The following ZSCAN5A variants were observed in gnomAD, a reference collection of about 807,000 sequenced individuals.
The protein encoded by ZSCAN5A is zinc finger and SCAN domain-containing protein 5A.
ZSCAN5A carries 12 observed loss-of-function variants against 23.7 expected under a neutral mutation model. That is an observed-to-expected ratio of 0.51 (90% CI 0.32 to 0.82). The LOEUF (loss-of-function observed/expected upper bound fraction) is 0.82. ZSCAN5A is among the 40% of genes least tolerant of loss of function. The pLI is 0.03. For synonymous variants in ZSCAN5A, 257 were observed against 239.9 expected, an observed-to-expected ratio of 1.07 and a Z score of -0.66; for missense variants, 597 against 617.9, an observed-to-expected ratio of 0.97 and a Z score of 0.36.
At chr19:56,354,722 C>G (rs1287004501) in intron 2 of ZSCAN5A, 1 of 152,402 alleles carries the variant, frequency 6.6e-6, no homozygotes, top group Non-Finnish European at 1.5e-5. Context: ...CTCTACACCT[C>G]CCACCTTCCC....
chr19:56,325,730 C>CTAA (rs2041426120), intron 2 of ZSCAN5A, among the ~76,000 whole-genome samples: 3 of 151,536 alleles, frequency 2.0e-5, no homozygotes, highest in Admixed American at 2.0e-4. Context: ...TACTGGTTAT[C>CTAA]TGTTGTTGTT....
chr19:56,276,760 C>T (rs11673002), intron 2 of ZSCAN5A, among the ~76,000 whole-genome samples: 63,723 of 151,636 alleles, frequency 0.42, 14,540 homozygotes, highest in Non-Finnish European at 0.51. Flanking sequence ...TGGTCTCGAA[C>T]TCCTGACCTC....
At chr19:56,333,763 A>G (rs1354400170) in intron 2 of ZSCAN5A, among the ~76,000 whole-genome samples, 1 of 152,168 alleles carries the variant, frequency 6.6e-6, no homozygotes, top group Non-Finnish European at 1.5e-5. Context: ...ACATGAGAAG[A>G]GTCCATAGGG....
At chr19:56,261,532 G>A (rs978137442) in intron 2 of ZSCAN5A, among the ~76,000 whole-genome samples, 1 of 152,180 alleles carries the variant, frequency 6.6e-6, no homozygotes, top group Non-Finnish European at 1.5e-5. Context: ...CCCCAGAAGA[G>A]GCTGGATAAA....
At chr19:56,255,715 G>A (rs1484998568) in intron 2 of ZSCAN5A, among the ~76,000 whole-genome samples, 1 of 151,888 alleles carries the variant, frequency 6.6e-6, no homozygotes, top group Non-Finnish European at 1.5e-5. Context: ...TGAAAAACAT[G>A]GTGTCGTCTA....
chr19:56,332,851 A>G (rs1000414440), intron 2 of ZSCAN5A, among the ~76,000 whole-genome samples: 3 of 152,226 alleles, frequency 2.0e-5, no homozygotes, highest in Non-Finnish European at 4.4e-5. Context: ...AGGCTGGTCT[A>G]GTGGTAACAA....
chr19:56,261,883 T>A (rs1447855801), intron 2 of ZSCAN5A, among the ~76,000 whole-genome samples: 1 of 152,188 alleles, frequency 6.6e-6, no homozygotes, highest in Non-Finnish European at 1.5e-5. Flanking sequence ...TTCTTAAGGT[T>A]ACAGTTTAAT....
upstream of ZSCAN5A, chr19:56,315,431 C>T (rs2041288825): frequency 6.6e-6 from 1 of 152,276 alleles, no homozygotes; most frequent in South Asian, 2.1e-4. Flanking sequence ...ATGCTGGCTC[C>T]AAAGTGGTGC....
upstream of ZSCAN5A, chr19:56,316,693 A>G (rs116050206): frequency 0.014 from 2,112 of 152,260 alleles, 47 homozygotes; most frequent in African/African-American, 0.049. Flanking sequence ...ATTTTCTTTC[A>G]TTGCCATTTT....
intron 2 of ZSCAN5A, among the ~76,000 whole-genome samples, chr19:56,265,558 GT>G (rs1253723817): frequency 6.6e-6 from 1 of 151,728 alleles, no homozygotes; most frequent in Non-Finnish European, 1.5e-5. Flanking sequence ...AATCAAGCAG[GT>G]TTTTTGGGTT....
intron 2 of ZSCAN5A, among the ~76,000 whole-genome samples, chr19:56,289,074 G>A (rs1014421676): frequency 6.6e-6 from 1 of 152,156 alleles, no homozygotes; most frequent in African/African-American, 2.4e-5. Flanking sequence ...TGCTGTGCTG[G>A]TAAATGTCTA....
chr19:56,308,237 T>C (rs2040824309), intron 2 of ZSCAN5A, among the ~76,000 whole-genome samples: 1 of 152,220 alleles, frequency 6.6e-6, no homozygotes, highest in African/African-American at 2.4e-5. Context: ...TTTCACCATG[T>C]TGGCCAGGAT....
At chr19:56,228,440 C>T (rs1166514306) in intron 2 of ZSCAN5A, 2 of 985,316 alleles carry the variant, frequency 2.0e-6, no homozygotes, top group Non-Finnish European at 2.4e-6. Context: ...ATGGTTCCCA[C>T]TGAAACCCCA....
chr19:56,304,730 G>A, intron 2 of ZSCAN5A: 1 of 954,746 alleles, frequency 1.0e-6, no homozygotes, highest in Non-Finnish European at 1.2e-6. Flanking sequence ...GGTAAGGAAG[G>A]AATTCACTCG....
intron 2 of ZSCAN5A, among the ~76,000 whole-genome samples, chr19:56,243,492 T>C (rs2035595097): frequency 6.6e-6 from 1 of 152,196 alleles, no homozygotes; most frequent in Admixed American, 6.5e-5. Flanking sequence ...AGAAAAGGTG[T>C]TGGGGGACAA....
chr19:56,281,705 C>T, intron 2 of ZSCAN5A: 1 of 985,352 alleles, frequency 1.0e-6, no homozygotes, highest in East Asian at 1.1e-4. Context: ...AACTGTAAGT[C>T]ATATCTCCTT....
intron 2 of ZSCAN5A, among the ~76,000 whole-genome samples, chr19:56,329,006 A>AAAAAAT (rs1555811870): frequency 1.4e-5 from 2 of 144,600 alleles, no homozygotes; most frequent in African/African-American, 5.4e-5. Context: ...AAAAAAAAAA[A>AAAAAAT]AAATAAATAA....
chr19:56,326,887 T>C (rs2041439332), intron 2 of ZSCAN5A, among the ~76,000 whole-genome samples: 1 of 152,106 alleles, frequency 6.6e-6, no homozygotes, highest in Admixed American at 6.5e-5. Flanking sequence ...GAGCAGAACA[T>C]AGCAGCTGAA....
intron 2 of ZSCAN5A, among the ~76,000 whole-genome samples, chr19:56,331,609 A>T (rs2041490347): frequency 3.2e-5 from 2 of 62,248 alleles, no homozygotes; most frequent in East Asian, 4.2e-4. Flanking sequence ...TTTTTTTGAG[A>T]CGGAGTCTCG....
Sources: allele counts gnomAD v4.1 joint callset (sites outside exome capture counted in the v4.1 genomes callset), GRCh38; gene constraint gnomAD v4.1.1; transcripts MANE v1.5; gene names NCBI Gene and HGNC (gene_info 2026-07-23, HGNC 2026-07-21).